Variants in AGBL4 observed in about 807,000 individuals in gnomAD.
AGBL4 encodes the protein cytosolic carboxypeptidase 6.
A neutral mutation model predicts 66.4 loss-of-function variants in AGBL4; 58 were observed. That is an observed-to-expected ratio of 0.87 (90% CI 0.71 to 1.09). The LOEUF is 1.09. AGBL4 is among the 50% of genes least tolerant of loss of function. The pLI is 0.00. For synonymous variants in AGBL4, 234 were observed against 222.9 expected, an observed-to-expected ratio of 1.05 and a Z score of -0.44; for missense variants, 579 against 631.0, an observed-to-expected ratio of 0.92 and a Z score of 0.88.
chr1:48,919,553 T>C (rs1047242680), intron 5 of AGBL4, among the ~76,000 whole-genome samples: 1 of 152,178 alleles, frequency 6.6e-6, no homozygotes, highest in East Asian at 1.9e-4. Flanking sequence ...AGACCACCAA[T>C]GCACAGGTCA....
intron 3 of AGBL4, among the ~76,000 whole-genome samples, chr1:49,421,793 T>C (rs1213312010): frequency 1.3e-5 from 2 of 152,194 alleles, no homozygotes; most frequent in African/African-American, 2.4e-5. Flanking sequence ...TTTTCTACCA[T>C]GAAATCCTAG....
chr1:48,907,754 G>T (rs751248211), intron 5 of AGBL4, among the ~76,000 whole-genome samples: 3 of 152,146 alleles, frequency 2.0e-5, no homozygotes, highest in Non-Finnish European at 4.4e-5. Context: ...TTCAGAGGGG[G>T]CTCATGATAT....
At chr1:49,500,912 A>C (rs956487447) in intron 3 of AGBL4, among the ~76,000 whole-genome samples, 2 of 152,022 alleles carry the variant, frequency 1.3e-5, no homozygotes, top group Non-Finnish European at 2.9e-5. Flanking sequence ...AGTTCTGTAA[A>C]AATGATGATG....
intron 3 of AGBL4, among the ~76,000 whole-genome samples, chr1:49,530,328 A>G (rs933051554): frequency 7.0e-6 from 1 of 142,638 alleles, no homozygotes; most frequent in African/African-American, 2.6e-5. Context: ...TTGAGGGTAC[A>G]TGTGCACAAC....
intron 3 of AGBL4, among the ~76,000 whole-genome samples, chr1:49,531,009 G>C (rs893802789): frequency 9.9e-5 from 15 of 151,994 alleles, no homozygotes; most frequent in South Asian, 2.1e-4. Flanking sequence ...CTAGCACAGA[G>C]CACTCAATCA....
At chr1:49,264,878 T>C (rs1353910198) in intron 3 of AGBL4, among the ~76,000 whole-genome samples, 3 of 152,220 alleles carry the variant, frequency 2.0e-5, no homozygotes. Flanking sequence ...AGTTTCATGA[T>C]ATTTTTCAAT....
chr1:49,415,593 T>C (rs1407154909), intron 3 of AGBL4, among the ~76,000 whole-genome samples: 1 of 151,880 alleles, frequency 6.6e-6, no homozygotes, highest in African/African-American at 2.4e-5. Flanking sequence ...GAAAGGTAGG[T>C]TCTAAAGAAC....
At chr1:48,649,955 C>A (rs1645900183) in intron 8 of AGBL4, among the ~76,000 whole-genome samples, 2 of 152,218 alleles carry the variant, frequency 1.3e-5, no homozygotes, top group Admixed American at 1.3e-4. Context: ...GGTCATATAG[C>A]AAGTAGGCGG....
At chr1:49,336,380 G>T (rs1387640579) in intron 3 of AGBL4, among the ~76,000 whole-genome samples, 1 of 152,112 alleles carries the variant, frequency 6.6e-6, no homozygotes, top group Non-Finnish European at 1.5e-5. Context: ...ACCCACACTG[G>T]GTAGAGCAAT....
chr1:48,646,750 TGGA>T (rs1645843340), intron 8 of AGBL4, among the ~76,000 whole-genome samples: 1 of 152,134 alleles, frequency 6.6e-6, no homozygotes, highest in African/African-American at 2.4e-5. Flanking sequence ...AGGTTAAAAC[TGGA>T]GCAGCCTAGG....
chr1:49,927,884 T>G (rs1256627041), intron 1 of AGBL4, among the ~76,000 whole-genome samples: 1 of 152,160 alleles, frequency 6.6e-6, no homozygotes, highest in Non-Finnish European at 1.5e-5. Flanking sequence ...AATCAATCAG[T>G]TAAAACTGAC....
At position 49,259,464 on chromosome 1, in the gene AGBL4, C is replaced by G. The variant is rs945351517; in HGVS notation, c.283-13600G>C. On this transcript the variant is annotated intron_variant, in intron 3 of 13. Coordinates refer to ENST00000371839, the MANE Select transcript of AGBL4 (RefSeq NM_032785.4). ...TCAAAATAAAAGGATGGAGGAAGAT[C>G]TACCAAGCAAATGGAAAACAAAAAA... Among the ~76,000 whole-genome samples the G allele has an allele frequency of 1.6e-3, 240 of 151,672 alleles. 4 individuals carry two copies. Among genetic ancestry groups the G allele is most frequent in the African/African-American group, 5.6e-3 (233 of 41,340 alleles).
chr1:49,134,470 G>A (rs929402112), intron 4 of AGBL4, among the ~76,000 whole-genome samples: 2 of 29,778 alleles, frequency 6.7e-5, no homozygotes, highest in Admixed American at 4.0e-4. Context: ...CAGCCATTTT[G>A]GAGGGCCCCC....
intron 6 of AGBL4, among the ~76,000 whole-genome samples, chr1:48,864,174 G>A (rs1374311611): frequency 6.6e-6 from 1 of 151,948 alleles, no homozygotes; most frequent in Non-Finnish European, 1.5e-5. Flanking sequence ...GGACAATAAA[G>A]ATATAAAAAG....
At chr1:49,886,797 C>T (rs922620084) in intron 1 of AGBL4, among the ~76,000 whole-genome samples, 4 of 152,118 alleles carry the variant, frequency 2.6e-5, no homozygotes, top group Admixed American at 2.6e-4. Flanking sequence ...TCTACAACTG[C>T]ATTCTGGTTC....
chr1:49,103,922 C>G (rs954439436), intron 4 of AGBL4, among the ~76,000 whole-genome samples: 1 of 152,138 alleles, frequency 6.6e-6, no homozygotes, highest in Non-Finnish European at 1.5e-5. Flanking sequence ...CTCTTTATTA[C>G]TTCCACAAAA....
At chr1:48,832,235 C>T (rs914862701) in intron 6 of AGBL4, among the ~76,000 whole-genome samples, 3 of 152,120 alleles carry the variant, frequency 2.0e-5, no homozygotes, top group African/African-American at 7.2e-5. Context: ...GAGCTGCATC[C>T]GCTCACTGGC....
chr1:49,108,546 T>C (rs1645342684), intron 4 of AGBL4, among the ~76,000 whole-genome samples: 1 of 152,198 alleles, frequency 6.6e-6, no homozygotes, highest in East Asian at 1.9e-4. Flanking sequence ...AACTACTTTC[T>C]GCAAGTAATG....
chr1:50,006,005 A>G (rs1039068439), intron 1 of AGBL4, among the ~76,000 whole-genome samples: 2 of 152,220 alleles, frequency 1.3e-5, no homozygotes, highest in Non-Finnish European at 2.9e-5. Context: ...AAGATCTAGA[A>G]TATAGCCTCA....
Sources: gnomAD v4.1 joint callset for allele counts (sites outside exome capture counted in the v4.1 genomes callset) on GRCh38, gnomAD v4.1.1 for gene constraint, MANE v1.5 for transcripts, NCBI Gene and HGNC (gene_info 2026-07-23, HGNC 2026-07-21) for gene names.